Variants in NT5DC1 observed in about 807,000 individuals in gnomAD.
NT5DC1 encodes 5'-nucleotidase domain containing 1, also known as 5'-nucleotidase domain-containing protein 1.
NT5DC1 carries 42 observed loss-of-function variants against 59.4 expected under a neutral mutation model. That is an observed-to-expected ratio of 0.71 (90% CI 0.55 to 0.92). NT5DC1 has a LOEUF of 0.92. Among genes scored for constraint, NT5DC1 ranks in the 40% least tolerant of loss-of-function variants. The pLI, the probability that NT5DC1 is intolerant of heterozygous loss-of-function variation, is 0.00. For synonymous variants in NT5DC1, 172 were observed against 188.1 expected, an observed-to-expected ratio of 0.91 and a Z score of 0.70; for missense variants, 501 against 537.1, an observed-to-expected ratio of 0.93 and a Z score of 0.66.
In NT5DC1 at chr6:116,106,346, T is replaced by TA; in HGVS notation, c.185+11_185+12insA. On this transcript the variant is annotated intron_variant, in intron 2 of 11. Coordinates refer to ENST00000319550, the MANE Select transcript of NT5DC1 (RefSeq NM_152729.3). Reference sequence around the variant, plus strand: ...GGATTGGGATTTCTGGTAAGTTCTTTTTTTTTTTTTTTTTTTAAGTCTGTA... The same window carrying TA: ...GGATTGGGATTTCTGGTAAGTTCTTTATTTTTTTTTTTTTTTTAAGTCTGTA... The TA allele has an allele frequency of 1.9e-6, 1 of 513,116 alleles. No homozygotes were observed. The highest frequency in any genetic ancestry group is 3.0e-6 in the Non-Finnish European group (1 of 338,534). 31.8% of individuals were successfully genotyped at this position (513,116 alleles called of 1,614,324 possible).
intron 6 of NT5DC1, among the ~76,000 whole-genome samples, chr6:116,211,696 C>T (rs7769748): frequency 0.1 from 15,337 of 152,058 alleles, 1,292 homozygotes; most frequent in African/African-American, 0.23. Flanking sequence ...AAATTCTGTA[C>T]TACCTATTAC....
intron 6 of NT5DC1, among the ~76,000 whole-genome samples, chr6:116,127,980 C>T (rs1316920558): frequency 6.6e-6 from 1 of 152,078 alleles, no homozygotes; most frequent in African/African-American, 2.4e-5. Context: ...GGTTTCTAAG[C>T]TCCTCCCAGT....
intron 6 of NT5DC1, among the ~76,000 whole-genome samples, chr6:116,194,889 A>G (rs1010042791): frequency 6.6e-6 from 1 of 152,080 alleles, no homozygotes; most frequent in African/African-American, 2.4e-5. Context: ...TTAGTTTGAT[A>G]CAAGCATATT....
chr6:116,108,487 A>G (rs1352749117), intron 3 of NT5DC1, 52 bp downstream of exon 3: 1 of 995,122 alleles, frequency 1.0e-6, no homozygotes. Flanking sequence ...GAGACACTTT[A>G]TTACTGAGTG....
At chr6:116,116,022 A>G (rs1582808644) in intron 5 of NT5DC1, among the ~76,000 whole-genome samples, 1 of 152,212 alleles carries the variant, frequency 6.6e-6, no homozygotes, top group African/African-American at 2.4e-5. Context: ...TAGAAAAAGA[A>G]AAGAAATACA....
intron 5 of NT5DC1, 146 bp from the exon 6 acceptor site, chr6:116,117,715 A>C (rs530831232): frequency 1.8e-6 from 1 of 568,520 alleles, no homozygotes; most frequent in Admixed American, 3.4e-5. Flanking sequence ...AATCTTCATC[A>C]CTTTTGTACC....
At chr6:116,102,303 G>A (rs565554754) in intron 1 of NT5DC1, among the ~76,000 whole-genome samples, 1 of 152,272 alleles carries the variant, frequency 6.6e-6, no homozygotes, top group East Asian at 1.9e-4. Flanking sequence ...TGTTTTCTAT[G>A]CCCAGATGCT....
intron 6 of NT5DC1, among the ~76,000 whole-genome samples, chr6:116,196,585 T>C (rs1448506609): frequency 1.3e-5 from 2 of 151,982 alleles, no homozygotes. Flanking sequence ...TATCAAATTA[T>C]ATATAGTATA....
intron 8 of NT5DC1, among the ~76,000 whole-genome samples, chr6:116,226,958 CATT>C (rs889795227): frequency 2.6e-4 from 39 of 152,170 alleles, no homozygotes; most frequent in African/African-American, 9.4e-4. Flanking sequence ...TATTACCTCA[CATT>C]ATCATTTTTT....
chr6:116,121,396 C>T lies in NT5DC1; in HGVS notation c.529+3451C>T, dbSNP rs112875740. 3.7e-5 allele frequency: 60 copies of T among 1,614,004 alleles called. No individual in the cohort carries two copies. In the Middle Eastern group the frequency reaches 6.6e-4, roughly 18 times the overall value. On this transcript the variant is annotated intron_variant, in intron 6 of 11. Transcript: ENST00000319550. The stretch of plus-strand genomic sequence containing the variant: ...GTGGGCCAATTGGTCCCATTTCTCC[C>T]GGAAAACCTCTATCACCTTTGATGC...
chr6:116,240,221 G>A (rs1771672971), intron 11 of NT5DC1, among the ~76,000 whole-genome samples: 1 of 152,142 alleles, frequency 6.6e-6, no homozygotes, highest in African/African-American at 2.4e-5. Context: ...CTAGAATGAT[G>A]TTATCTTCCT....
At chr6:116,127,216 T>C (rs1698493055) in intron 6 of NT5DC1, among the ~76,000 whole-genome samples, 1 of 152,152 alleles carries the variant, frequency 6.6e-6, no homozygotes, top group Non-Finnish European at 1.5e-5. Flanking sequence ...TAATTGAAAG[T>C]TTGACCAGTG....
chr6:116,208,754 A>G (rs549851167), intron 6 of NT5DC1, among the ~76,000 whole-genome samples: 1 of 152,144 alleles, frequency 6.6e-6, no homozygotes, highest in African/African-American at 2.4e-5. Flanking sequence ...GTGAGCCTGA[A>G]AACATCTTAT....
At chr6:116,174,940 A>G (rs1489694190) in intron 6 of NT5DC1, among the ~76,000 whole-genome samples, 1 of 152,116 alleles carries the variant, frequency 6.6e-6, no homozygotes, top group African/African-American at 2.4e-5. Context: ...TTTATAATAA[A>G]CCATTTTGTC....
At chr6:116,169,603 G>T (rs1277658043) in intron 6 of NT5DC1, among the ~76,000 whole-genome samples, 4 of 152,124 alleles carry the variant, frequency 2.6e-5, no homozygotes, top group Non-Finnish European at 4.4e-5. Context: ...AGCTCTTTAG[G>T]TATGGGGTAG....
intron 6 of NT5DC1, among the ~76,000 whole-genome samples, chr6:116,192,584 T>G (rs1266009709): frequency 6.6e-6 from 1 of 152,056 alleles, no homozygotes. Context: ...TGATATAAAG[T>G]CAAAAATCAA....
In NT5DC1 at chr6:116,169,715, T is replaced by A. The variant is rs144874476; in HGVS notation, c.530-51339T>A. 6.8e-4 allele frequency among the ~76,000 whole-genome samples: 103 copies of A among 152,272 alleles called. 2 individuals carry two copies. The East Asian group carries it at 0.019, about 28-fold the overall frequency. ...AGAGTTCTATTTTGGACCTCTTGGG[T>A]TTGAGATACCCATGTGATGTCCTAG... is the stretch of plus-strand genomic sequence containing the variant. On this transcript the variant is annotated intron_variant, in intron 6 of 11. Coordinates refer to ENST00000319550, the MANE Select transcript of NT5DC1 (RefSeq NM_152729.3).
chr6:116,177,210 T>A (rs1222963014), intron 6 of NT5DC1, among the ~76,000 whole-genome samples: 1 of 152,218 alleles, frequency 6.6e-6, no homozygotes, highest in African/African-American at 2.4e-5. Context: ...TACAAATAAT[T>A]AAGTTTAGTC....
intron 4 of NT5DC1, among the ~76,000 whole-genome samples, chr6:116,114,664 T>C (rs970595546): frequency 1.3e-5 from 2 of 152,134 alleles, no homozygotes; most frequent in Admixed American, 1.3e-4. Context: ...TAGGGAACTG[T>C]ATGAGGTTGG....
Sources: gnomAD v4.1 joint callset for allele counts (sites outside exome capture counted in the v4.1 genomes callset) on GRCh38, gnomAD v4.1.1 for gene constraint, MANE v1.5 for transcripts, NCBI Gene and HGNC (gene_info 2026-07-23, HGNC 2026-07-21) for gene names.